The following NALF1 variants were observed in gnomAD, a reference collection of about 807,000 sequenced individuals.
NALF1 encodes the protein NALCN channel auxiliary factor 1.
Under a neutral mutation model 48.4 loss-of-function variants are expected in NALF1, and 3 were observed. The observed-to-expected ratio is 0.06, with a 90% CI of 0.03 to 0.16. The LOEUF (loss-of-function observed/expected upper bound fraction) is 0.16. Among genes scored for constraint, NALF1 ranks in the 10% least tolerant of loss-of-function variants. The pLI is 1.00. For missense variants in NALF1, 526 were observed against 571.5 expected (o/e 0.92, Z 0.81); for synonymous variants, 262 against 245.7 (o/e 1.07, Z -0.62).
rs575648576 is a variant in NALF1, at chr13:107,349,346, C to G, written c.916-138591G>C. Among the ~76,000 whole-genome samples the G allele has an allele frequency of 2.6e-5, 4 of 152,194 alleles. No individual in the cohort carries two copies. In the East Asian group the frequency reaches 7.7e-4, roughly 29 times the overall value. ...CTCTGTGGCTCTGAAATAAAAGTGACGTCTGCCCCTTGTTGACATCAAAGG... is the reference window on the plus strand; with the variant it reads ...CTCTGTGGCTCTGAAATAAAAGTGAGGTCTGCCCCTTGTTGACATCAAAGG... On this transcript the variant is annotated intron_variant, in intron 1 of 2. Transcript: ENST00000375915.
Position 107,277,858 on chromosome 13 carries a change from G to A in NALF1, c.916-67103C>T, listed in dbSNP as rs541122187. Among the ~76,000 whole-genome samples the A allele has an allele frequency of 1.4e-4, 21 of 152,280 alleles. No homozygotes were observed. The South Asian group carries it at 2.7e-3, about 20-fold the overall frequency. On this transcript the variant is annotated intron_variant, in intron 1 of 2. Coordinates refer to ENST00000375915, the MANE Select transcript of NALF1 (RefSeq NM_001080396.3). The stretch of plus-strand genomic sequence containing the variant: ...ATAAGCAAGCTGGTAGGAGTTCAGC[G>A]GATGTGCCAGACACTGGGTAAGTGC...
chr13:107,819,709 C>CAA (rs1879303145), intron 1 of NALF1, among the ~76,000 whole-genome samples: 4 of 150,094 alleles, frequency 2.7e-5, no homozygotes, highest in Non-Finnish European at 5.9e-5. Flanking sequence ...CTCTCTCTCT[C>CAA]TCTCTCTCTG....
chr13:107,211,666 C>T (rs1239826890), intron 1 of NALF1, among the ~76,000 whole-genome samples: 1 of 151,428 alleles, frequency 6.6e-6, no homozygotes, highest in East Asian at 1.9e-4. Context: ...TTCTCCAGGT[C>T]CTTGGCACTA....
At chr13:107,731,984 C>T (rs191757630) in intron 1 of NALF1, among the ~76,000 whole-genome samples, 1 of 152,076 alleles carries the variant, frequency 6.6e-6, no homozygotes, top group East Asian at 1.9e-4. Context: ...GAAGAACAAG[C>T]AAAAAAATAG....
At chr13:107,283,983 G>C (rs1013037162) in intron 1 of NALF1, among the ~76,000 whole-genome samples, 1 of 152,084 alleles carries the variant, frequency 6.6e-6, no homozygotes, top group Non-Finnish European at 1.5e-5. Flanking sequence ...ACTCATCTTT[G>C]TTTTGCCTGA....
chr13:107,298,902 C>A (rs1305599407), intron 1 of NALF1, among the ~76,000 whole-genome samples: 1 of 152,106 alleles, frequency 6.6e-6, no homozygotes, highest in Non-Finnish European at 1.5e-5. Flanking sequence ...ATTTGTGTAA[C>A]ACTCTTAAAT....
chr13:107,445,284 A>G (rs1244037642), intron 1 of NALF1, among the ~76,000 whole-genome samples: 2 of 152,160 alleles, frequency 1.3e-5, no homozygotes, highest in Non-Finnish European at 2.9e-5. Context: ...TCTAGTCTTC[A>G]GTTTTCTAAT....
At chr13:107,602,592 A>G (rs1010141291) in intron 1 of NALF1, among the ~76,000 whole-genome samples, 1 of 152,194 alleles carries the variant, frequency 6.6e-6, no homozygotes, top group Admixed American at 6.6e-5. Flanking sequence ...ATATTTTCCT[A>G]TTTTCCTTAA....
chr13:107,393,780 C>A (rs1430638583), intron 1 of NALF1, among the ~76,000 whole-genome samples: 1 of 152,058 alleles, frequency 6.6e-6, no homozygotes, highest in African/African-American at 2.4e-5. Flanking sequence ...GGGAATCAGT[C>A]AAGGTGACTT....
At chr13:107,510,585 G>C (rs1244729046) in intron 1 of NALF1, among the ~76,000 whole-genome samples, 3 of 152,132 alleles carry the variant, frequency 2.0e-5, no homozygotes, top group Admixed American at 6.6e-5. Context: ...CTATAATCCT[G>C]CAACATTATA....
intron 1 of NALF1, among the ~76,000 whole-genome samples, chr13:107,565,650 T>C (rs1877790806): frequency 6.6e-6 from 1 of 152,164 alleles, no homozygotes; most frequent in African/African-American, 2.4e-5. Flanking sequence ...AGGTTTCAAT[T>C]TCCCCATCTG....
intron 1 of NALF1, among the ~76,000 whole-genome samples, chr13:107,856,241 T>C (rs924565998): frequency 6.6e-6 from 1 of 152,188 alleles, no homozygotes; most frequent in South Asian, 2.1e-4. Context: ...ACTTCAGTTC[T>C]TTTGATAATG....
chr13:107,629,383 T>C (rs1352569670), intron 1 of NALF1, among the ~76,000 whole-genome samples: 2 of 152,154 alleles, frequency 1.3e-5, no homozygotes, highest in Non-Finnish European at 2.9e-5. Context: ...ATCATATTGT[T>C]CTCTATGGCA....
intron 1 of NALF1, among the ~76,000 whole-genome samples, chr13:107,684,757 A>G (rs1298424962): frequency 6.6e-6 from 1 of 152,238 alleles, no homozygotes; most frequent in Non-Finnish European, 1.5e-5. Flanking sequence ...GGGAAAACTC[A>G]GTACTTATCA....
intron 1 of NALF1, among the ~76,000 whole-genome samples, chr13:107,756,710 G>T (rs1594246775): frequency 1.3e-5 from 2 of 152,044 alleles, no homozygotes; most frequent in African/African-American, 4.8e-5. Context: ...ATGGGTCGGA[G>T]GCCATCCTCC....
At chr13:107,625,377 A>G (rs1879641522) in intron 1 of NALF1, among the ~76,000 whole-genome samples, 1 of 152,164 alleles carries the variant, frequency 6.6e-6, no homozygotes, top group Admixed American at 6.6e-5. Context: ...GCTACCTACT[A>G]CAAATTATTA....
rs536009140 is a variant in NALF1 at position 107,726,264 on chromosome 13, GGTCCTT to G, written c.915+139412_915+139417del. 1.4e-4 allele frequency among the ~76,000 whole-genome samples: 21 copies of G among 152,098 alleles called. No individual in the cohort carries two copies. The South Asian group carries it at 4.0e-3, about 29-fold the overall frequency. ...TTTACCAGTAGTGACAAGAGAAATG[GGTCCTT>G]TCATATTTACCAAATAGGTTAGCCA... On this transcript the variant is annotated intron_variant, in intron 1 of 2. Transcript: ENST00000375915.
rs80217872 is a variant in NALF1, at chr13:107,646,290, T to TA, written c.915+219391dup. ...ACTCCCTGGAAAACTGCCAACTTCT[T>TA]AAAAAAAAAAAAAAGCAACAAAATG... is the stretch of plus-strand genomic sequence containing the variant. On this transcript the variant is annotated intron_variant, in intron 1 of 2. Coordinates refer to ENST00000375915, the MANE Select transcript of NALF1 (RefSeq NM_001080396.3). Among the ~76,000 whole-genome samples, 419 of 132,254 alleles carry TA rather than the reference T, an allele frequency of 3.2e-3. 1 individual carries two copies. Among genetic ancestry groups the TA allele is most frequent in the East Asian group, 0.011 (52 of 4,630 alleles). The allele number at this position is 132,254 out of a possible 152,430, so 86.8% of individuals were successfully genotyped here. A position where few individuals can be genotyped will look rare whatever the true frequency, so the allele number is the denominator to read the frequency against.
intron 1 of NALF1, among the ~76,000 whole-genome samples, chr13:107,356,958 A>G (rs1205921609): frequency 6.6e-6 from 1 of 152,216 alleles, no homozygotes; most frequent in East Asian, 1.9e-4. Flanking sequence ...CAGTGTTACC[A>G]TTCTACTGTT....
Sources: gnomAD v4.1 joint callset for allele counts (sites outside exome capture counted in the v4.1 genomes callset) on GRCh38, gnomAD v4.1.1 for gene constraint, MANE v1.5 for transcripts, NCBI Gene and HGNC (gene_info 2026-07-23, HGNC 2026-07-21) for gene names.